GRID2: variants seen among roughly 807,000 people sequenced by gnomAD.
The protein encoded by GRID2 is glutamate ionotropic receptor delta type subunit 2.
A neutral mutation model predicts 114.8 loss-of-function variants in GRID2; 33 were observed. That is an observed-to-expected ratio of 0.29 (90% CI 0.22 to 0.38). GRID2 has a LOEUF of 0.38. Ranked by LOEUF, GRID2 falls within the 10% of genes least tolerant of loss-of-function variation. GRID2 has a pLI of 1.00. For synonymous variants in GRID2, 505 were observed against 449.9 expected (o/e 1.12, Z -1.55); for missense variants, 1,184 against 1,257.7 (o/e 0.94, Z 0.89).
At chr4:93,146,390 C>T (rs937874087) in intron 4 of GRID2, among the ~76,000 whole-genome samples, 35 of 152,116 alleles carry the variant, frequency 2.3e-4, no homozygotes, top group African/African-American at 8.0e-4. Flanking sequence ...GATGAAAGCG[C>T]ATCCTGTAAG....
At chr4:93,709,331 G>A (rs1417075432) in intron 14 of GRID2, among the ~76,000 whole-genome samples, 2 of 152,062 alleles carry the variant, frequency 1.3e-5, no homozygotes, top group African/African-American at 4.8e-5. Flanking sequence ...TCTCCTTTGT[G>A]TCTGAAGGAT....
At chr4:93,141,348 T>C (rs931454706) in intron 4 of GRID2, among the ~76,000 whole-genome samples, 1 of 152,132 alleles carries the variant, frequency 6.6e-6, no homozygotes, top group Non-Finnish European at 1.5e-5. Context: ...ACCAAATAAG[T>C]TTAGTTTTGT....
intron 14 of GRID2, among the ~76,000 whole-genome samples, chr4:93,656,351 C>T (rs1722991028): frequency 6.6e-6 from 1 of 151,732 alleles, no homozygotes; most frequent in Non-Finnish European, 1.5e-5. Flanking sequence ...ATAATAAGTA[C>T]CATAAAGTGT....
intron 14 of GRID2, among the ~76,000 whole-genome samples, chr4:93,646,084 T>C (rs868400285): frequency 1.7e-4 from 26 of 152,140 alleles, no homozygotes; most frequent in African/African-American, 5.3e-4. Flanking sequence ...TATCTAGAGA[T>C]AAAACAGTGA....
intron 14 of GRID2, among the ~76,000 whole-genome samples, chr4:93,741,559 T>C (rs769877059): frequency 1.2e-4 from 18 of 151,648 alleles, no homozygotes; most frequent in Non-Finnish European, 2.7e-4. Flanking sequence ...CATTAACAGA[T>C]GTCCATGGCA....
intron 4 of GRID2, among the ~76,000 whole-genome samples, chr4:93,196,405 A>G (rs1741496115): frequency 6.6e-6 from 1 of 152,164 alleles, no homozygotes; most frequent in African/African-American, 2.4e-5. Context: ...GATATTTTGC[A>G]CAGAAAAACA....
chr4:93,762,356 GA>G (rs1733283161), intron 14 of GRID2, among the ~76,000 whole-genome samples: 1 of 152,070 alleles, frequency 6.6e-6, no homozygotes, highest in South Asian at 2.1e-4. Flanking sequence ...AAATATTTTT[GA>G]AATATTAAAA....
chr4:93,549,181 A>G (rs1733526138), intron 13 of GRID2, among the ~76,000 whole-genome samples: 1 of 152,200 alleles, frequency 6.6e-6, no homozygotes, highest in Admixed American at 6.5e-5. Flanking sequence ...TTTCACCAAA[A>G]CATGTCAAAC....
chr4:92,536,113 C>G (rs1015402632), intron 1 of GRID2, among the ~76,000 whole-genome samples: 5 of 152,218 alleles, frequency 3.3e-5, no homozygotes, highest in African/African-American at 1.2e-4. Flanking sequence ...CAGGCTGCCA[C>G]TGCTTGCGCC....
chr4:93,547,474 C>T lies in GRID2; in HGVS notation c.2193+32063C>T, dbSNP rs919921082. ...AAGTGGCCAAGCATTGTATAATTCA[C>T]AGAAGGACCATTCCTCTGAAATGTA... On this transcript the variant is annotated intron_variant, in intron 13 of 15. Coordinates refer to ENST00000282020, the MANE Select transcript of GRID2 (RefSeq NM_001510.4). 7.2e-5 allele frequency among the ~76,000 whole-genome samples: 11 copies of T among 152,202 alleles called. 1 individual carries two copies. Among genetic ancestry groups the T allele is most frequent in the African/African-American group, 2.7e-4 (11 of 41,454 alleles).
chr4:93,045,796 C>T (rs1196926069), intron 2 of GRID2, among the ~76,000 whole-genome samples: 1 of 152,118 alleles, frequency 6.6e-6, no homozygotes, highest in Non-Finnish European at 1.5e-5. Flanking sequence ...CTCACACTTA[C>T]TTTTCCCACT....
intron 14 of GRID2, among the ~76,000 whole-genome samples, chr4:93,739,534 G>C (rs537495790): frequency 2.1e-4 from 32 of 152,156 alleles, no homozygotes; most frequent in Admixed American, 9.8e-4. Flanking sequence ...TTTTTAAAGG[G>C]ATAACTATTT....
intron 2 of GRID2, among the ~76,000 whole-genome samples, chr4:92,771,084 C>A (rs1036349943): frequency 6.6e-6 from 1 of 151,588 alleles, no homozygotes; most frequent in Admixed American, 6.6e-5. Flanking sequence ...GTATTAAAGT[C>A]TCTGAGCAGT....
At chr4:93,293,846 C>G (rs1339434409) in intron 8 of GRID2, among the ~76,000 whole-genome samples, 3 of 152,152 alleles carry the variant, frequency 2.0e-5, no homozygotes, top group Non-Finnish European at 4.4e-5. Context: ...ATGTGCCAGG[C>G]ACTGTACTAG....
chr4:93,342,483 T>A (rs1430280719), intron 8 of GRID2, among the ~76,000 whole-genome samples: 1 of 152,192 alleles, frequency 6.6e-6, no homozygotes, highest in African/African-American at 2.4e-5. Context: ...AATCCATGGT[T>A]TCCTTAATCA....
At chr4:92,396,477 A>T (rs1191776996) in intron 1 of GRID2, among the ~76,000 whole-genome samples, 2 of 152,006 alleles carry the variant, frequency 1.3e-5, no homozygotes, top group African/African-American at 4.8e-5. Flanking sequence ...TCATCATCAT[A>T]CACAGTCATC....
chr4:93,279,594 AC>A (rs1752437258), intron 8 of GRID2, among the ~76,000 whole-genome samples: 1 of 151,864 alleles, frequency 6.6e-6, no homozygotes, highest in African/African-American at 2.4e-5. Context: ...TCGAGAAACT[AC>A]CCCTACATTT....
At chr4:92,955,673 A>G (rs1277526626) in intron 2 of GRID2, among the ~76,000 whole-genome samples, 2 of 152,052 alleles carry the variant, frequency 1.3e-5, no homozygotes, top group Non-Finnish European at 2.9e-5. Flanking sequence ...TTGGTGTTTT[A>G]GACATGAAGT....
intron 2 of GRID2, among the ~76,000 whole-genome samples, chr4:93,081,911 G>T: frequency 6.6e-6 from 1 of 152,126 alleles, no homozygotes; most frequent in East Asian, 1.9e-4. Flanking sequence ...CTTTGCTTCT[G>T]TTCTTACTGC....
Sources: allele counts gnomAD v4.1 joint callset (sites outside exome capture counted in the v4.1 genomes callset), GRCh38; gene constraint gnomAD v4.1.1; transcripts MANE v1.5; gene names NCBI Gene and HGNC (gene_info 2026-07-23, HGNC 2026-07-21).